The following HDAC4 variants were observed in gnomAD, a reference collection of about 807,000 sequenced individuals.
HDAC4 encodes the protein histone deacetylase A.
Under a neutral mutation model 135.1 loss-of-function variants are expected in HDAC4, and 16 were observed. That is an observed-to-expected ratio of 0.12 (90% CI 0.08 to 0.18). HDAC4 has a LOEUF of 0.18. HDAC4 is among the 10% of genes least tolerant of loss of function. The pLI is 1.00. For missense variants in HDAC4, 1,143 were observed against 1,511.8 expected (o/e 0.76, Z 4.05); for synonymous variants, 685 against 653.4 (o/e 1.05, Z -0.74).
chr2:239,214,114 G>A (rs188656072), intron 3 of HDAC4, among the ~76,000 whole-genome samples: 18 of 152,280 alleles, frequency 1.2e-4, no homozygotes, highest in African/African-American at 4.3e-4. Flanking sequence ...TTACAGTTCC[G>A]GAGGCCAGAG....
intron 2 of HDAC4, among the ~76,000 whole-genome samples, chr2:239,247,584 C>T (rs765060013): frequency 3.9e-5 from 6 of 152,334 alleles, no homozygotes; most frequent in South Asian, 2.1e-4. Flanking sequence ...GACTCAGCAA[C>T]GAAAACCACT....
rs144780976 is a variant in HDAC4 at position 239,268,344 on chromosome 2, A to T, written c.23-31680T>A. Among the ~76,000 whole-genome samples the T allele has an allele frequency of 2.2e-3, 329 of 152,376 alleles. 2 individuals are homozygous for T. Among genetic ancestry groups the T allele is most frequent in the African/African-American group, 7.7e-3 (322 of 41,590 alleles). ...GGAGCAGGGCCCATTCCACACTGTG[A>T]AGAGTGACCCAAGAGATCAGAGATT... On this transcript the variant is annotated intron_variant, in intron 2 of 26. Transcript: ENST00000543185.
intron 5 of HDAC4, among the ~76,000 whole-genome samples, chr2:239,172,103 AG>A (rs1212780858): frequency 1.3e-5 from 2 of 152,114 alleles, no homozygotes; most frequent in East Asian, 3.9e-4. Flanking sequence ...GTTAAAGATA[AG>A]TTTAGAGTTA....
At chr2:239,190,766 A>G (rs981089494) in intron 3 of HDAC4, among the ~76,000 whole-genome samples, 1 of 152,212 alleles carries the variant, frequency 6.6e-6, no homozygotes, top group South Asian at 2.1e-4. Flanking sequence ...GCCCTGTACT[A>G]ATGTGCTATT....
rs1162576948 is a variant in HDAC4, at chr2:239,167,603, C to T, written c.491-3680G>A. Reference sequence around the variant, plus strand: ...AAAATGAGGGGCTGATTCTGACCCCCACCCCGTTTCTGCACTTCTGGTTAT... The same window carrying T: ...AAAATGAGGGGCTGATTCTGACCCCTACCCCGTTTCTGCACTTCTGGTTAT... On this transcript the variant is annotated intron_variant, in intron 5 of 26. Transcript: ENST00000543185. This position sits in a 1 kb window ranked among gnomAD's most constrained non-coding sequence, Gnocchi z 4.1. 6.6e-6 allele frequency among the ~76,000 whole-genome samples: 1 copy of T among 152,208 alleles called. No homozygotes were observed. Among genetic ancestry groups the T allele is most frequent in the African/African-American group, 2.4e-5 (1 of 41,442 alleles).
chr2:239,350,861 C>G (rs1242781019), intron 2 of HDAC4, among the ~76,000 whole-genome samples: 2 of 152,096 alleles, frequency 1.3e-5, no homozygotes, highest in African/African-American at 4.8e-5. Flanking sequence ...GAAACAAAAT[C>G]CTAAGAGCAT....
chr2:239,225,686 T>C (rs2047203034), intron 3 of HDAC4, among the ~76,000 whole-genome samples: 1 of 152,046 alleles, frequency 6.6e-6, no homozygotes, highest in African/African-American at 2.4e-5. Flanking sequence ...TGCCAGCCCC[T>C]TCCTCAGGCG....
At chr2:239,351,575 C>G (rs1478810131) in intron 2 of HDAC4, 1 of 154,414 alleles carries the variant, frequency 6.5e-6, no homozygotes, top group East Asian at 1.9e-4. Flanking sequence ...CATTTCTTTA[C>G]ATCAGTCAAT....
intron 1 of HDAC4, among the ~76,000 whole-genome samples, chr2:239,385,780 C>G (rs1187050485): frequency 6.6e-6 from 1 of 152,224 alleles, no homozygotes; most frequent in Non-Finnish European, 1.5e-5. Flanking sequence ...GCCAGGCAAG[C>G]CACGGTGAGT....
intron 5 of HDAC4, 133 bp from the exon 6 acceptor site, chr2:239,164,056 A>G (rs1047306488): frequency 1.8e-6 from 2 of 1,093,958 alleles, no homozygotes; most frequent in African/African-American, 3.1e-5. Context: ...TGGCCTCCTG[A>G]GCGCTTCCTC....
intron 2 of HDAC4, among the ~76,000 whole-genome samples, chr2:239,329,204 G>A (rs2125809071): frequency 6.6e-6 from 1 of 152,090 alleles, no homozygotes; most frequent in African/African-American, 2.4e-5. Flanking sequence ...CTCCCAGAAG[G>A]ACTCAGAAGG....
chr2:239,081,958 G>C, intron 21 of HDAC4, 144 bp downstream of exon 21: 1 of 809,562 alleles, frequency 1.2e-6, no homozygotes, highest in Non-Finnish European at 2.0e-6. Context: ...GCTGACGTCT[G>C]ACTGAAGTTA....
Position 239,178,090 on chromosome 2 carries a change from G to A in HDAC4, c.340-1527C>T, listed in dbSNP as rs771644074. Among the ~76,000 whole-genome samples, 6 of 152,312 alleles carry A rather than the reference G, an allele frequency of 3.9e-5. No individual in the cohort carries two copies. In the East Asian group the frequency reaches 9.6e-4, roughly 24 times the overall value. On this transcript the variant is annotated intron_variant, in intron 4 of 26. Coordinates refer to ENST00000543185, the MANE Select transcript of HDAC4 (RefSeq NM_001378414.1). ...GGTTCTGTCTGCACACACTTTCCTC[G>A]GCTTCCACACAAACCCCTGGGCCAG...
chr2:239,351,113 T>C (rs944200254), intron 2 of HDAC4, among the ~76,000 whole-genome samples: 3 of 152,198 alleles, frequency 2.0e-5, no homozygotes, highest in African/African-American at 4.8e-5. Flanking sequence ...CTGGAGCAAT[T>C]TGACAGTCAA....
chr2:239,220,528 G>A (rs776076879), intron 3 of HDAC4, among the ~76,000 whole-genome samples: 1 of 152,182 alleles, frequency 6.6e-6, no homozygotes, highest in Non-Finnish European at 1.5e-5. Flanking sequence ...TTTGTGCTTG[G>A]TAGGGGAAGA....
intron 13 of HDAC4, 97 bp from the exon 14 acceptor site, chr2:239,111,809 C>T (rs1348959556): frequency 4.2e-5 from 48 of 1,147,944 alleles, no homozygotes; most frequent in South Asian, 2.0e-4. Flanking sequence ...CTCCCGTCCA[C>T]GCACAGGCCA....
At chr2:239,137,326 G>A (rs895876694) in intron 9 of HDAC4, among the ~76,000 whole-genome samples, 1 of 152,226 alleles carries the variant, frequency 6.6e-6, no homozygotes. Flanking sequence ...ATCCAGGCAC[G>A]CGTGTAAATA....
chr2:239,338,235 G>A lies in HDAC4; in HGVS notation c.22+14443C>T, dbSNP rs73104748. 5.1e-3 allele frequency among the ~76,000 whole-genome samples: 772 copies of A among 152,186 alleles called. 7 individuals are homozygous for A. The highest frequency in any genetic ancestry group is 0.018 in the African/African-American group (741 of 41,502). ...CTAGACCTCCCGTGGCACCTCTCTC[G>A]CGACTCAAAGCCAGTGCAGTGAGTT... On this transcript the variant is annotated intron_variant, in intron 2 of 26. Transcript: ENST00000543185.
At chr2:239,075,002 T>C (rs1306546829) in intron 22 of HDAC4, among the ~76,000 whole-genome samples, 1 of 151,956 alleles carries the variant, frequency 6.6e-6, no homozygotes, top group African/African-American at 2.4e-5. Context: ...GGCAGGCGGA[T>C]CATGAGGTCA....
Sources: allele counts gnomAD v4.1 joint callset (sites outside exome capture counted in the v4.1 genomes callset), GRCh38; gene constraint gnomAD v4.1.1; non-coding constraint Gnocchi (gnomAD v3.1); transcripts MANE v1.5; gene names NCBI Gene and HGNC (gene_info 2026-07-23, HGNC 2026-07-21).